Variants in MYH7B observed in about 807,000 individuals in gnomAD.
MYH7B encodes the protein myosin-7B.
MYH7B carries 205 observed loss-of-function variants against 234.5 expected under a neutral mutation model. The ratio of observed to expected loss-of-function variants is 0.87; its 90% CI spans 0.78 to 0.98. MYH7B has a LOEUF of 0.98. Ranked by LOEUF, MYH7B falls within the 50% of genes least tolerant of loss-of-function variation. The pLI, the probability that MYH7B is intolerant of heterozygous loss-of-function variation, is 0.00. For synonymous variants in MYH7B, 1,193 were observed against 1,105.0 expected, an observed-to-expected ratio of 1.08 and a Z score of -1.58; for missense variants, 2,652 against 2,633.4, an observed-to-expected ratio of 1.01 and a Z score of -0.15.
exon 42 of MYH7B, chr20:35,001,317 C>T: frequency 1.2e-6 from 2 of 1,612,032 alleles, no homozygotes; most frequent in Non-Finnish European, 1.7e-6. Context: ...CGTGCGCAAG[C>T]ATGAGCGCCG....
At chr20:34,996,322 A>G (rs1354924421) in intron 28 of MYH7B, 24 bp from the exon 29 acceptor site, 6 of 1,559,426 alleles carry the variant, frequency 3.8e-6, no homozygotes, top group Admixed American at 3.9e-5. Flanking sequence ...GGGCGTCCCC[A>G]TTCTGGCCCT....
At chr20:34,961,103 G>A (rs973536036) in intron 2 of MYH7B, among the ~76,000 whole-genome samples, 3 of 152,098 alleles carry the variant, frequency 2.0e-5, no homozygotes, top group Admixed American at 6.5e-5. Flanking sequence ...TTCCCAGTCC[G>A]GCTCTCATTT....
exon 22 of MYH7B, chr20:34,990,304 G>A: frequency 6.2e-7 from 1 of 1,614,156 alleles, no homozygotes; most frequent in Middle Eastern, 1.6e-4. Flanking sequence ...TGTCCCAGCT[G>A]CACAAGGTAA....
At chr20:34,992,997 C>A in intron 24 of MYH7B, 105 bp from the exon 25 acceptor site, 1 of 1,410,676 alleles carries the variant, frequency 7.1e-7, no homozygotes, top group South Asian at 1.3e-5. Context: ...AGGAACGAGT[C>A]CCCTGCTACC....
At chr20:34,980,424 T>C (rs1400676699) in intron 7 of MYH7B, 154 bp from the exon 8 acceptor site, 3 of 679,470 alleles carry the variant, frequency 4.4e-6, no homozygotes, top group Non-Finnish European at 7.8e-6. Flanking sequence ...TGGCACGCGC[T>C]TGTAGTCCTA....
At chr20:34,999,718 G>C in intron 37 of MYH7B, 23 bp downstream of exon 37, 4 of 1,611,768 alleles carry the variant, frequency 2.5e-6, no homozygotes, top group Non-Finnish European at 3.4e-6. Flanking sequence ...CTGCAGGGGT[G>C]GGTGGACACT....
At chr20:34,999,358 C>T (rs1399390388) in exon 36 of MYH7B, 5 of 1,544,066 alleles carry the variant, frequency 3.2e-6, no homozygotes, top group Non-Finnish European at 4.4e-6. Flanking sequence ...CACGAGGAGG[C>T]ACTTGAAGCC....
chr20:34,980,142 C>T, intron 7 of MYH7B: 1 of 394,388 alleles, frequency 2.5e-6, no homozygotes, highest in South Asian at 3.4e-5. Context: ...CCAGGACGGC[C>T]ACAGAGGGTG....
At chr20:34,960,454 C>G (rs1341933068) in intron 2 of MYH7B, among the ~76,000 whole-genome samples, 2 of 152,182 alleles carry the variant, frequency 1.3e-5, no homozygotes, top group South Asian at 2.1e-4. Context: ...CCAGGATGGT[C>G]TCGATCTCCT....
At chr20:34,995,646 A>G in intron 28 of MYH7B, 68 bp downstream of exon 28, 1 of 1,592,968 alleles carries the variant, frequency 6.3e-7, no homozygotes, top group Non-Finnish European at 8.5e-7. Flanking sequence ...AGGTGGCTGC[A>G]GGTCCCACCC....
Position 34,978,087 on chromosome 20 carries a change from C to A in MYH7B, c.82C>A (p.Pro28Thr), listed in dbSNP as rs17092199. 4.8e-3 allele frequency: 7,688 copies of A among 1,613,986 alleles called. 315 individuals carry two copies. The African/African-American group carries it at 0.091, about 19-fold the overall frequency. ...GGAGATGACGAAGGTGCACACTATC[C>A]CATGGGACGGTAAGTGGAGACAGAG... The change falls in exon 5 of 45, where the codon CCA (proline) becomes ACA (threonine). Residue 28 changes from proline to threonine, a missense_variant. Coordinates refer to ENST00000262873, the Ensembl canonical transcript of MYH7B.
intron 2 of MYH7B, among the ~76,000 whole-genome samples, chr20:34,973,458 A>G (rs2081811276): frequency 6.6e-6 from 1 of 152,190 alleles, no homozygotes; most frequent in Non-Finnish European, 1.5e-5. Flanking sequence ...TTGAGGGCAG[A>G]TACATTTTGG....
In MYH7B at chr20:34,981,014, C is replaced by T. The variant is rs1569036264; in HGVS notation, c.500-19C>T. The T allele has an allele frequency of 6.2e-7, 1 of 1,614,122 alleles. No individual in the cohort carries two copies. Among genetic ancestry groups the T allele is most frequent in the East Asian group, 2.2e-5 (1 of 44,876 alleles). On this transcript the variant is annotated intron_variant, in intron 8 of 44. Transcript: ENST00000262873. Reference sequence around the variant, plus strand: ...CCCACACCTTGGCTGACTTCTCTATCCCCTTCCCTTTCCTCCAGACCGAGA... The same window carrying T: ...CCCACACCTTGGCTGACTTCTCTATTCCCTTCCCTTTCCTCCAGACCGAGA...
At chr20:34,996,522 C>G (rs367714841) in exon 29 of MYH7B, 1 of 1,609,616 alleles carries the variant, frequency 6.2e-7, no homozygotes, top group African/African-American at 1.3e-5. Flanking sequence ...AGGTGGAGGA[C>G]GTGAGTCAGG....
chr20:34,984,843 C>T lies in MYH7B; in HGVS notation c.649-11C>T, dbSNP rs1224671990. 1 of 1,612,386 alleles carries T rather than the reference C, an allele frequency of 6.2e-7. No individual in the cohort carries two copies. Among genetic ancestry groups the T allele is most frequent in the African/African-American group, 1.3e-5 (1 of 74,892 alleles). On this transcript the variant is annotated splice_polypyrimidine_tract_variant and intron_variant, in intron 11 of 44. Transcript: ENST00000262873. ...CAGAACTGACAGACCCCCTCACCCC[C>T]ACCGCCCCAGGGCACCCTTGAGGAT...
In MYH7B at chr20:34,966,265, CTG is replaced by C. The variant is rs1255946848; in HGVS notation, c.-222+8056_-222+8057del. On this transcript the variant is annotated intron_variant, in intron 2 of 44. Coordinates refer to ENST00000262873, the Ensembl canonical transcript of MYH7B. Reference sequence around the variant, plus strand: ...TTCCACAGGTGAACGGTTCATCAAACTGTGGCGCATCCATACATACCATGAGT... The same window carrying C: ...TTCCACAGGTGAACGGTTCATCAAACTGGCGCATCCATACATACCATGAGT... 2.0e-5 allele frequency among the ~76,000 whole-genome samples: 3 copies of C among 152,226 alleles called. No individual in the cohort carries two copies. In the East Asian group the frequency reaches 5.8e-4, roughly 29 times the overall value.
At chr20:34,966,080 G>C (rs1164802312) in intron 2 of MYH7B, among the ~76,000 whole-genome samples, 3 of 152,158 alleles carry the variant, frequency 2.0e-5, no homozygotes, top group African/African-American at 7.2e-5. Flanking sequence ...AAGAGGGTCG[G>C]GGGGTGGGGA....
chr20:34,988,372 G>C (rs1476467456), intron 19 of MYH7B, 110 bp downstream of exon 19: 5 of 1,232,154 alleles, frequency 4.1e-6, no homozygotes, highest in Non-Finnish European at 4.5e-6. Context: ...ATGGAAGCGT[G>C]TGACTGTGCG....
chr20:34,983,474 G>C (rs1389451278), intron 10 of MYH7B, among the ~76,000 whole-genome samples: 1 of 152,008 alleles, frequency 6.6e-6, no homozygotes, highest in Admixed American at 6.6e-5. Flanking sequence ...GGACGTAACA[G>C]AAAGTTGGGT....
Sources: gnomAD v4.1 joint callset for allele counts (sites outside exome capture counted in the v4.1 genomes callset) on GRCh38, gnomAD v4.1.1 for gene constraint, MANE v1.5 for transcripts, NCBI Gene and HGNC (gene_info 2026-07-23, HGNC 2026-07-21) for gene names.